CSMD3: variants seen among roughly 807,000 people sequenced by gnomAD.
CSMD3 encodes CUB and sushi domain-containing protein 3.
A neutral mutation model predicts 435.2 loss-of-function variants in CSMD3; 177 were observed. The observed-to-expected ratio is 0.41, with a 90% confidence interval of 0.36 to 0.46. CSMD3 has a LOEUF of 0.46. Ranked by LOEUF, CSMD3 falls within the 20% of genes least tolerant of loss-of-function variation. CSMD3 has a pLI of 0.34. For synonymous variants in CSMD3, 1,656 were observed against 1,520.5 expected (o/e 1.09, Z -2.07); for missense variants, 4,265 against 4,504.6 (o/e 0.95, Z 1.52).
chr8:112,964,873 T>G (rs187212768), intron 7 of CSMD3, among the ~76,000 whole-genome samples: 1 of 151,960 alleles, frequency 6.6e-6, no homozygotes, highest in African/African-American at 2.4e-5. Flanking sequence ...AAGAGAAAAA[T>G]ATCCTACGCA....
At chr8:112,468,813 G>A (rs1265960529) in intron 32 of CSMD3, among the ~76,000 whole-genome samples, 4 of 151,968 alleles carry the variant, frequency 2.6e-5, no homozygotes, top group Non-Finnish European at 5.9e-5. Flanking sequence ...GTAGAATAAG[G>A]AGAGTAAAAT....
rs571119510 is a variant in CSMD3 at position 112,283,523 on chromosome 8, CA to C, written c.9332-2174del. Among the ~76,000 whole-genome samples, 8 of 151,444 alleles carry C rather than the reference CA, an allele frequency of 5.3e-5. No homozygotes were observed. In the South Asian group the frequency reaches 1.7e-3, roughly 32 times the overall value. On this transcript the variant is annotated intron_variant, in intron 58 of 70. Coordinates refer to ENST00000297405, the MANE Select transcript of CSMD3 (RefSeq NM_198123.2). Reference sequence around the variant, plus strand: ...TGTATTAATATGAATATAATTATTTCAATATTCTATGCTTTGTGTTAGGTAT... The same window carrying C: ...TGTATTAATATGAATATAATTATTTCATATTCTATGCTTTGTGTTAGGTAT...
intron 3 of CSMD3, among the ~76,000 whole-genome samples, chr8:113,187,508 T>A (rs570173083): frequency 2.0e-5 from 3 of 152,162 alleles, no homozygotes; most frequent in African/African-American, 7.2e-5. Context: ...TGTAGTTAAA[T>A]TACAACCCTG....
intron 38 of CSMD3, among the ~76,000 whole-genome samples, chr8:112,367,800 G>T (rs1472405755): frequency 6.6e-6 from 1 of 151,990 alleles, no homozygotes; most frequent in African/African-American, 2.4e-5. Context: ...CTTCAATGAG[G>T]CTACTCTTTC....
At chr8:112,346,302 A>C in intron 40 of CSMD3, 89 bp from the exon 41 acceptor site, 1 of 845,774 alleles carries the variant, frequency 1.2e-6, no homozygotes, top group East Asian at 2.5e-5. Flanking sequence ...CACGTTTTCA[A>C]GGCTCTGAGT....
intron 50 of CSMD3, 62 bp from the exon 51 acceptor site, chr8:112,306,254 ACT>A (rs937070364): frequency 2.5e-6 from 3 of 1,200,516 alleles, no homozygotes; most frequent in Admixed American, 1.8e-5. Flanking sequence ...TTATTAGGTA[ACT>A]CTGCTGAACT....
At chr8:112,941,118 T>A (rs1227244087) in intron 9 of CSMD3, among the ~76,000 whole-genome samples, 1 of 151,736 alleles carries the variant, frequency 6.6e-6, no homozygotes, top group Admixed American at 6.6e-5. Flanking sequence ...AGAAAAGCTT[T>A]ATAAAAGAGG....
intron 47 of CSMD3, 28 bp from the exon 48 acceptor site, chr8:112,314,645 T>A (rs764849012): frequency 6.5e-7 from 1 of 1,541,056 alleles, no homozygotes; most frequent in South Asian, 1.1e-5. Flanking sequence ...CATTAAATAA[T>A]GCCAGTCTTT....
chr8:112,558,254 C>T (rs1344231619), intron 24 of CSMD3, among the ~76,000 whole-genome samples: 8 of 151,846 alleles, frequency 5.3e-5, no homozygotes, highest in Admixed American at 1.3e-4. Flanking sequence ...TCCCCCAAAG[C>T]GAGCCACAGA....
At chr8:112,255,819 T>A in intron 61 of CSMD3, 1 of 245,856 alleles carries the variant, frequency 4.1e-6, no homozygotes, top group Admixed American at 5.2e-5. Flanking sequence ...CCCATAATGT[T>A]CCAGGCTGCA....
In CSMD3 at chr8:113,381,055, C is replaced by T. The variant is rs537207708; in HGVS notation, c.178+55622G>A. On this transcript the variant is annotated intron_variant, in intron 1 of 70. Transcript: ENST00000297405. ...CGTCTCCATATATAAATGCCAAGCTCGCACAATGTTTCTTGACTTCAAAAA... is the reference window on the plus strand; with the variant it reads ...CGTCTCCATATATAAATGCCAAGCTTGCACAATGTTTCTTGACTTCAAAAA... Among the ~76,000 whole-genome samples the T allele has an allele frequency of 1.4e-4, 22 of 152,236 alleles. No individual in the cohort carries two copies. In the South Asian group the frequency reaches 2.5e-3, roughly 17 times the overall value.
intron 2 of CSMD3, among the ~76,000 whole-genome samples, chr8:113,296,469 A>G (rs950351935): frequency 6.6e-6 from 1 of 152,054 alleles, no homozygotes. Flanking sequence ...GGTTGCAGTG[A>G]GTCAAGACTG....
At chr8:112,987,532 T>C (rs1246673702) in intron 6 of CSMD3, among the ~76,000 whole-genome samples, 1 of 152,128 alleles carries the variant, frequency 6.6e-6, no homozygotes, top group Non-Finnish European at 1.5e-5. Flanking sequence ...TATGAGCTAA[T>C]AATGATAAAG....
chr8:112,404,692 A>G (rs1162257742), intron 35 of CSMD3, among the ~76,000 whole-genome samples: 6 of 152,112 alleles, frequency 3.9e-5, no homozygotes, highest in Non-Finnish European at 8.8e-5. Flanking sequence ...TAAAAAGGTA[A>G]AAATAAGAAT....
At chr8:113,252,598 G>GT (rs777057484) in intron 3 of CSMD3, among the ~76,000 whole-genome samples, 8 of 151,876 alleles carry the variant, frequency 5.3e-5, no homozygotes, top group Non-Finnish European at 7.4e-5. Flanking sequence ...ATTTTTCCAA[G>GT]TTTTTTTGCC....
chr8:112,924,622 A>T (rs1480241082), intron 9 of CSMD3, among the ~76,000 whole-genome samples: 1 of 151,294 alleles, frequency 6.6e-6, no homozygotes, highest in Non-Finnish European at 1.5e-5. Context: ...TAATAATTAT[A>T]ATTATTATAA....
At chr8:112,612,223 C>A (rs760113787) in intron 22 of CSMD3, among the ~76,000 whole-genome samples, 14 of 152,128 alleles carry the variant, frequency 9.2e-5, no homozygotes, top group Non-Finnish European at 1.9e-4. Flanking sequence ...GATCATTAGA[C>A]AAATTATCAG....
intron 1 of CSMD3, among the ~76,000 whole-genome samples, chr8:113,372,730 G>A (rs1460005583): frequency 1.3e-5 from 2 of 152,004 alleles, no homozygotes; most frequent in East Asian, 1.9e-4. Flanking sequence ...TCAGGAGATC[G>A]AGACCATCCT....
At chr8:113,284,204 T>C (rs1275883796) in intron 2 of CSMD3, among the ~76,000 whole-genome samples, 1 of 151,914 alleles carries the variant, frequency 6.6e-6, no homozygotes, top group Non-Finnish European at 1.5e-5. Context: ...TGTAACCAAA[T>C]ACCACCTGTA....
Sources: gnomAD v4.1 joint callset for allele counts (sites outside exome capture counted in the v4.1 genomes callset) on GRCh38, gnomAD v4.1.1 for gene constraint, MANE v1.5 for transcripts, NCBI Gene and HGNC (gene_info 2026-07-23, HGNC 2026-07-21) for gene names.